Variants in SYT1 observed in about 807,000 individuals in gnomAD.
SYT1 encodes the protein synaptotagmin 1.
Under a neutral mutation model 44.8 loss-of-function variants are expected in SYT1, and 8 were observed. The ratio of observed to expected loss-of-function variants is 0.18; its 90% CI spans 0.10 to 0.32. SYT1 has a LOEUF of 0.32. SYT1 is among the 10% of genes least tolerant of loss of function. SYT1 has a pLI of 1.00. For missense variants in SYT1, 286 were observed against 509.3 expected, an observed-to-expected ratio of 0.56 and a Z score of 4.22; for synonymous variants, 154 against 188.8, an observed-to-expected ratio of 0.82 and a Z score of 1.51.
chr12:79,255,901 G>T (rs1314181639), intron 4 of SYT1, among the ~76,000 whole-genome samples: 1 of 152,122 alleles, frequency 6.6e-6, no homozygotes, highest in Non-Finnish European at 1.5e-5. Flanking sequence ...CACATTATTA[G>T]ACAGATGCCT....
intron 1 of SYT1, among the ~76,000 whole-genome samples, chr12:78,973,556 A>G (rs1868529511): frequency 6.6e-6 from 1 of 152,140 alleles, no homozygotes; most frequent in African/African-American, 2.4e-5. Flanking sequence ...CCATTCCACT[A>G]CATATTGCAG....
rs910026647 is a variant in SYT1, at chr12:79,026,672, T to TAA, written c.-83-20624_-83-20623insAA. On this transcript the variant is annotated intron_variant, in intron 2 of 10. Coordinates refer to ENST00000261205, the MANE Select transcript of SYT1 (RefSeq NM_005639.3). ...TGTGTATATACATATATATTTTATATATATATATATATATATATATATATA... is the reference window on the plus strand; with the variant it reads ...TGTGTATATACATATATATTTTATATAAATATATATATATATATATATATATA... 2.6e-4 allele frequency among the ~76,000 whole-genome samples: 19 copies of TAA among 74,294 alleles called. 1 individual carries two copies. The highest frequency in any genetic ancestry group is 6.0e-4 in the East Asian group (1 of 1,662). The allele number at this position is 74,294 out of a possible 152,430, so 48.7% of individuals were successfully genotyped here.
intron 3 of SYT1, among the ~76,000 whole-genome samples, chr12:79,208,101 A>G (rs557720724): frequency 6.6e-6 from 1 of 152,150 alleles, no homozygotes; most frequent in African/African-American, 2.4e-5. Flanking sequence ...AAATTTCCTA[A>G]TTCCTGGTCC....
intron 9 of SYT1, among the ~76,000 whole-genome samples, chr12:79,443,123 G>A (rs977341134): frequency 2.6e-5 from 4 of 152,046 alleles, no homozygotes; most frequent in African/African-American, 9.7e-5. Context: ...TGCCTAATGG[G>A]GCTTTAGGGA....
At chr12:79,178,949 G>T (rs111684015) in intron 3 of SYT1, among the ~76,000 whole-genome samples, 30,199 of 51,188 alleles carry the variant, frequency 0.59, 11,905 homozygotes, top group African/African-American at 0.78. Context: ...TATAGATATA[G>T]ATATAGATAT....
chr12:79,051,862 G>T (rs990114075), intron 3 of SYT1, among the ~76,000 whole-genome samples: 8 of 151,926 alleles, frequency 5.3e-5, no homozygotes, highest in Non-Finnish European at 8.8e-5. Flanking sequence ...ATTTCTGAGG[G>T]CTCTGTTCTG....
chr12:79,402,181 G>A (rs1377061652), intron 9 of SYT1, among the ~76,000 whole-genome samples: 3 of 152,054 alleles, frequency 2.0e-5, no homozygotes, highest in Non-Finnish European at 2.9e-5. Context: ...TCAGATAGTA[G>A]AAATTTCTCC....
At chr12:79,064,652 T>C (rs1190462115) in intron 3 of SYT1, among the ~76,000 whole-genome samples, 1 of 152,082 alleles carries the variant, frequency 6.6e-6, no homozygotes, top group Non-Finnish European at 1.5e-5. Flanking sequence ...ACCTACATAT[T>C]ACCATATTAA....
intron 1 of SYT1, among the ~76,000 whole-genome samples, chr12:78,899,260 A>G (rs938615973): frequency 2.6e-5 from 4 of 151,080 alleles, no homozygotes; most frequent in Admixed American, 2.0e-4. Context: ...CTTGTCCCTC[A>G]GTGTACTAGA....
chr12:79,349,039 AAG>A (rs1555219962), intron 8 of SYT1, among the ~76,000 whole-genome samples: 29 of 140,078 alleles, frequency 2.1e-4, no homozygotes, highest in Middle Eastern at 3.5e-3. Context: ...AAGAAAAAGA[AAG>A]AAAGAAAGAA....
intron 3 of SYT1, among the ~76,000 whole-genome samples, chr12:79,210,966 G>T (rs1397695119): frequency 2.0e-5 from 3 of 150,536 alleles, no homozygotes; most frequent in Non-Finnish European, 3.0e-5. Context: ...CTGACATTAG[G>T]AAATTAAACC....
At chr12:79,178,592 T>C (rs1304096698) in intron 3 of SYT1, among the ~76,000 whole-genome samples, 1 of 151,920 alleles carries the variant, frequency 6.6e-6, no homozygotes, top group Non-Finnish European at 1.5e-5. Flanking sequence ...ATATGCTCAT[T>C]TTTACTGCAA....
At chr12:79,000,206 C>T (rs962815873) in intron 2 of SYT1, among the ~76,000 whole-genome samples, 1 of 150,224 alleles carries the variant, frequency 6.7e-6, no homozygotes, top group African/African-American at 2.4e-5. Context: ...AAATTGTAAA[C>T]TTCTTGGAAA....
intron 9 of SYT1, among the ~76,000 whole-genome samples, chr12:79,408,341 G>A (rs2136128028): frequency 6.6e-6 from 1 of 152,276 alleles, no homozygotes; most frequent in African/African-American, 2.4e-5. Flanking sequence ...AGTGAACACT[G>A]TGGGGAGCTT....
intron 1 of SYT1, among the ~76,000 whole-genome samples, chr12:78,973,916 CAAAAAAAAAAAAAAAAA>C (rs1162433648): frequency 1.1e-3 from 10 of 9,076 alleles, no homozygotes; most frequent in African/African-American, 3.4e-3. Flanking sequence ...AGACGAACAC[CAAAAAAAAAAAAAAAAA>C]AAAAAATATA....
chr12:78,998,985 C>G (rs746431897), intron 2 of SYT1, among the ~76,000 whole-genome samples: 18 of 152,006 alleles, frequency 1.2e-4, no homozygotes, highest in Non-Finnish European at 2.1e-4. Context: ...TGAAATAAAG[C>G]GTGGTGATAA....
In SYT1 at chr12:79,339,078, T is replaced by C. The variant is rs372051601; in HGVS notation, c.811-14424T>C. On this transcript the variant is annotated intron_variant, in intron 8 of 10. Coordinates refer to ENST00000261205, the MANE Select transcript of SYT1 (RefSeq NM_005639.3). ...TAATCCAGTCTATCATTGATGGACA[T>C]TTGGGTTGGTTCCAAGTCTTTGCTA... Among the ~76,000 whole-genome samples, 49 of 152,296 alleles carry C rather than the reference T, an allele frequency of 3.2e-4. No individual in the cohort carries two copies. In the East Asian group the frequency reaches 9.3e-3, roughly 29 times the overall value.
chr12:79,255,966 T>A (rs1333170982), intron 4 of SYT1, among the ~76,000 whole-genome samples: 1 of 152,214 alleles, frequency 6.6e-6, no homozygotes. Context: ...AATCATAAAT[T>A]AATTACCAAG....
chr12:78,875,786 T>C (rs559373693), intron 1 of SYT1, among the ~76,000 whole-genome samples: 1 of 151,816 alleles, frequency 6.6e-6, no homozygotes, highest in South Asian at 2.1e-4. Context: ...TGTTTTTACT[T>C]TGACTTTTAA....
Sources: gnomAD v4.1 joint callset for allele counts (sites outside exome capture counted in the v4.1 genomes callset) on GRCh38, gnomAD v4.1.1 for gene constraint, MANE v1.5 for transcripts, NCBI Gene and HGNC (gene_info 2026-07-23, HGNC 2026-07-21) for gene names.